The following COL21A1 variants were observed in gnomAD, a reference collection of about 807,000 sequenced individuals.
The protein encoded by COL21A1 is collagen alpha-1(XXI) chain.
A neutral mutation model predicts 137.9 loss-of-function variants in COL21A1; 149 were observed. The ratio of observed to expected loss-of-function variants is 1.08; its 90% CI spans 0.95 to 1.24. The LOEUF (loss-of-function observed/expected upper bound fraction) is 1.24, where lower values mean the gene tolerates loss of function less well. Ranked by LOEUF, COL21A1 falls within the 50% of genes most tolerant of loss-of-function variation. COL21A1 has a pLI of 0.00. For synonymous variants in COL21A1, 456 were observed against 391.5 expected (o/e 1.16, Z -1.95); for missense variants, 1,167 against 1,158.4 (o/e 1.01, Z -0.11).
chr6:56,060,707 GAA>G lies in COL21A1; in HGVS notation c.2407+32_2407+33del, dbSNP rs759526848. On this transcript the variant is annotated intron_variant, in intron 27 of 29. Transcript: ENST00000244728. ...AATTTGTATTACTTTTGTAATTTGA[GAA>G]AAGTTATTAAAATGCTATATTTGAT... The G allele has an allele frequency of 1.2e-5, 19 of 1,542,836 alleles. No homozygotes were observed. In the East Asian group the frequency reaches 4.3e-4, roughly 35 times the overall value.
At chr6:56,357,104 A>G (rs184027847) in intron 1 of COL21A1, among the ~76,000 whole-genome samples, 7 of 152,338 alleles carry the variant, frequency 4.6e-5, no homozygotes, top group African/African-American at 1.4e-4. Flanking sequence ...TTGCTTAGAA[A>G]GGACTAACTC....
At chr6:56,164,851 A>G in intron 7 of COL21A1, 29 bp from the exon 8 acceptor site, 1 of 1,447,358 alleles carries the variant, frequency 6.9e-7, no homozygotes, top group Non-Finnish European at 9.5e-7. Flanking sequence ...ATGTGTTTTA[A>G]AATGTTTTAA....
Position 56,260,585 on chromosome 6 carries a change from AAAGAAGAAG to A in COL21A1, c.-38-77938_-38-77930del, listed in dbSNP as rs70986789. ...CAAGACTCTATCAAAAAAAAAAAAG[AAAGAAGAAG>A]AAGAAGAAGAAGAAGAAAGAAAGAG... is the stretch of plus-strand genomic sequence containing the variant. On this transcript the variant is annotated intron_variant, in intron 1 of 28. Coordinates refer to the COL21A1 transcript ENST00000370819. Among the ~76,000 whole-genome samples the A allele has an allele frequency of 9.0e-3, 831 of 91,842 alleles. 19 individuals carry two copies. The highest frequency in any genetic ancestry group is 0.021 in the African/African-American group (570 of 27,682). 60.3% of individuals were successfully genotyped at this position (91,842 alleles called of 152,430 possible). A position where few individuals can be genotyped will look rare whatever the true frequency, so the allele number is the denominator to read the frequency against.
At chr6:56,065,300 A>G (rs1401518048) in intron 23 of COL21A1, among the ~76,000 whole-genome samples, 4 of 152,042 alleles carry the variant, frequency 2.6e-5, no homozygotes, top group Non-Finnish European at 4.4e-5. Context: ...TCTAGTGACT[A>G]CAATTTTACA....
chr6:56,266,792 A>T (rs952738080), intron 1 of COL21A1, among the ~76,000 whole-genome samples: 1 of 152,264 alleles, frequency 6.6e-6, no homozygotes, highest in African/African-American at 2.4e-5. Context: ...GAATCACTTT[A>T]TTCTTTAAAG....
At chr6:56,253,856 C>T (rs1160497536) in intron 1 of COL21A1, among the ~76,000 whole-genome samples, 1 of 152,018 alleles carries the variant, frequency 6.6e-6, no homozygotes, top group African/African-American at 2.4e-5. Flanking sequence ...CTTAAAAGTC[C>T]AAAACCTCAA....
chr6:56,138,491 A>G (rs1774168832), intron 12 of COL21A1, among the ~76,000 whole-genome samples: 1 of 152,034 alleles, frequency 6.6e-6, no homozygotes, highest in Non-Finnish European at 1.5e-5. Context: ...GAAAACATGA[A>G]AAGGTAACTA....
chr6:56,346,762 C>T (rs527333374), intron 1 of COL21A1, among the ~76,000 whole-genome samples: 3 of 152,282 alleles, frequency 2.0e-5, no homozygotes, highest in South Asian at 2.1e-4. Context: ...AGAGCTGTAC[C>T]GCTCCTCTCA....
At chr6:56,273,859 C>T (rs1763582833) in intron 1 of COL21A1, among the ~76,000 whole-genome samples, 1 of 152,062 alleles carries the variant, frequency 6.6e-6, no homozygotes, top group African/African-American at 2.4e-5. Flanking sequence ...GGAGGAGGGG[C>T]TCCTCCCTAA....
rs116785689 is a variant in COL21A1, at chr6:56,240,972, C to T, written c.-39+6415G>A. ...TTGAATTAGGTTCCAAGTGCCTCTGCTTCCATTAAGAGCTCTGCATCTTAC... is the reference window on the plus strand; with the variant it reads ...TTGAATTAGGTTCCAAGTGCCTCTGTTTCCATTAAGAGCTCTGCATCTTAC... On this transcript the variant is annotated intron_variant, in intron 1 of 29. Transcript: ENST00000244728. Among the ~76,000 whole-genome samples the T allele has an allele frequency of 7.7e-3, 1,168 of 152,290 alleles. 21 individuals carry two copies. Among genetic ancestry groups the T allele is most frequent in the African/African-American group, 0.026 (1,097 of 41,560 alleles).
intron 23 of COL21A1, among the ~76,000 whole-genome samples, chr6:56,066,138 G>C (rs1159255256): frequency 3.3e-5 from 5 of 151,734 alleles, no homozygotes; most frequent in Non-Finnish European, 1.5e-5. Context: ...TAGAATATAT[G>C]GGTCTAGAGC....
intron 1 of COL21A1, among the ~76,000 whole-genome samples, chr6:56,243,105 C>A (rs918136837): frequency 6.6e-6 from 1 of 152,164 alleles, no homozygotes; most frequent in Non-Finnish European, 1.5e-5. Flanking sequence ...ATTCTAATAT[C>A]CCTAACCATT....
intron 10 of COL21A1, among the ~76,000 whole-genome samples, chr6:56,144,700 G>C (rs1165094915): frequency 6.6e-6 from 1 of 152,194 alleles, no homozygotes; most frequent in African/African-American, 2.4e-5. Flanking sequence ...ACAACTTGGA[G>C]ATGCCCTAAC....
intron 1 of COL21A1, among the ~76,000 whole-genome samples, chr6:56,295,035 T>C (rs1764131396): frequency 6.6e-6 from 1 of 152,074 alleles, no homozygotes; most frequent in East Asian, 1.9e-4. Flanking sequence ...TTCTCCTGTG[T>C]TATCTTCCAG....
intron 17 of COL21A1, 190 bp from the exon 18 acceptor site, chr6:56,077,763 T>A: frequency 1.9e-6 from 1 of 513,368 alleles, no homozygotes; most frequent in Non-Finnish European, 3.4e-6. Flanking sequence ...TATATGAATA[T>A]TACTGATATT....
chr6:56,079,225 G>T (rs1403647191), intron 17 of COL21A1, among the ~76,000 whole-genome samples: 1 of 151,602 alleles, frequency 6.6e-6, no homozygotes, highest in African/African-American at 2.4e-5. Context: ...AAGGAAGGTG[G>T]CTATACATTG....
chr6:56,346,260 C>A (rs183952348), intron 1 of COL21A1, among the ~76,000 whole-genome samples: 279 of 152,340 alleles, frequency 1.8e-3, no homozygotes, highest in Non-Finnish European at 3.3e-3. Context: ...GATACTCTGA[C>A]TTCTAATCCT....
intron 1 of COL21A1, among the ~76,000 whole-genome samples, chr6:56,270,088 C>T (rs987205346): frequency 2.0e-5 from 3 of 152,138 alleles, no homozygotes; most frequent in East Asian, 3.9e-4. Flanking sequence ...CAATACTACC[C>T]CTTAATGTCC....
At chr6:56,116,273 C>G (rs958980927) in intron 16 of COL21A1, among the ~76,000 whole-genome samples, 2 of 151,156 alleles carry the variant, frequency 1.3e-5, no homozygotes, top group Non-Finnish European at 3.0e-5. Flanking sequence ...AAGCAGCAAA[C>G]GACAAAAATA....
Sources: allele counts gnomAD v4.1 joint callset (sites outside exome capture counted in the v4.1 genomes callset), GRCh38; gene constraint gnomAD v4.1.1; transcripts MANE v1.5; gene names NCBI Gene and HGNC (gene_info 2026-07-23, HGNC 2026-07-21).